Variants in FAN1 observed in about 807,000 individuals in gnomAD.
The protein encoded by FAN1 is fanconi-associated nuclease 1.
In FAN1, 91 loss-of-function variants were observed where a neutral mutation model predicts 104.9. That is an observed-to-expected ratio of 0.87 (90% CI 0.73 to 1.03). The LOEUF (loss-of-function observed/expected upper bound fraction) is 1.03. Among genes scored for constraint, FAN1 ranks in the 50% least tolerant of loss-of-function variants. FAN1 has a pLI of 0.00. For synonymous variants in FAN1, 478 were observed against 457.6 expected (o/e 1.04, Z -0.57); for missense variants, 1,263 against 1,239.9 (o/e 1.02, Z -0.28).
intron 12 of FAN1, 56 bp downstream of exon 12, chr15:30,929,453 C>A: frequency 1.4e-6 from 2 of 1,408,978 alleles, no homozygotes; most frequent in Non-Finnish European, 9.7e-7. Context: ...CGCCCCAGTG[C>A]TGTCTTTTCA....
rs138307818 is a variant in FAN1, at chr15:30,908,154, G to A, written c.1271G>A (p.Arg424His). 8 of 1,609,950 alleles carry A rather than the reference G, an allele frequency of 5.0e-6. No individual in the cohort carries two copies. The highest frequency in any genetic ancestry group is 1.7e-5 in the Admixed American group (1 of 59,362). ...AAGTTATATGTAAGGCTCTTTCAACGTAAATTAAGCTGGATTAAGATGACC... is the reference window on the plus strand; with the variant it reads ...AAGTTATATGTAAGGCTCTTTCAACATAAATTAAGCTGGATTAAGATGACC... The part of the protein sequence containing the change: ...GQKLYVRLFQ[R>H]KLSWIKMTKL... Residue 424 changes from arginine (R) to histidine (H), a missense_variant, in exon 3 of 15, where the codon CGT (arginine) becomes CAT (histidine). Around this residue, in one of 2 missense-constraint regions of FAN1, gnomAD observed 682 missense variants for 571.1 expected, o/e 1.19. Coordinates refer to ENST00000362065, the MANE Select transcript of FAN1 (RefSeq NM_014967.5).
chr15:30,917,020 G>T (rs938854319), intron 5 of FAN1, among the ~76,000 whole-genome samples: 8 of 152,202 alleles, frequency 5.3e-5, no homozygotes, highest in African/African-American at 1.7e-4. Flanking sequence ...TGCTGAGTTG[G>T]AGGAACTCAG....
At chr15:30,918,392 T>TC (rs1338059691) in intron 6 of FAN1, 97 bp downstream of exon 6, 409 of 1,258,254 alleles carry the variant, frequency 3.3e-4, no homozygotes, top group Non-Finnish European at 8.2e-5. Flanking sequence ...TACTCCTTTT[T>TC]CTCTGTGGTT....
Position 30,904,845 on chromosome 15 carries a change from A to G in FAN1, c.182A>G (p.Asp61Gly). 1.2e-6 allele frequency: 2 copies of G among 1,613,212 alleles called. No homozygotes were observed. The highest frequency in any genetic ancestry group is 2.2e-5 in the South Asian group (2 of 91,060). The change falls in exon 2 of 15, where the codon GAT becomes GGT. Residue 61 changes from aspartate (D) to glycine (G), a missense_variant. By Grantham distance (94) the Asp-to-Gly change is moderately conservative (BLOSUM62 -1). This residue lies in a region of FAN1 where 682 missense variants were observed against 571.1 expected (regional missense o/e 1.19). Coordinates refer to ENST00000362065, the MANE Select transcript of FAN1 (RefSeq NM_014967.5). Reference sequence around the variant, plus strand: ...AGATATGACTTAAACCGGCACCTTGATGAAATGTGTGCTAACAATGACTTC... The same window carrying G: ...AGATATGACTTAAACCGGCACCTTGGTGAAATGTGTGCTAACAATGACTTC... ...VPRYDLNRHLDEMCANNDFVQ... is the reference protein window; with the variant it reads ...VPRYDLNRHLGEMCANNDFVQ...
At chr15:30,923,784 C>G (rs1172465317) in intron 8 of FAN1, among the ~76,000 whole-genome samples, 1 of 152,238 alleles carries the variant, frequency 6.6e-6, no homozygotes, top group African/African-American at 2.4e-5. Context: ...TGAGCCTTCA[C>G]TGATTTTCAA....
At chr15:30,941,153 C>CT in intron 14 of FAN1, 1 of 617,346 alleles carries the variant, frequency 1.6e-6, no homozygotes, top group Non-Finnish European at 2.3e-6. Flanking sequence ...GCTAATGTGA[C>CT]TGACTATCAG....
intron 4 of FAN1, 83 bp from the exon 5 acceptor site, chr15:30,913,771 CTTTA>C: frequency 1.1e-6 from 1 of 898,924 alleles, no homozygotes; most frequent in African/African-American, 1.7e-5. Context: ...TGTCATTTCT[CTTTA>C]TTTTAGATGA....
chr15:30,926,479 G>A, intron 10 of FAN1: 1 of 262,400 alleles, frequency 3.8e-6, no homozygotes, highest in Non-Finnish European at 5.9e-6. Context: ...CATGATTTCA[G>A]TATTCCCCGA....
At chr15:30,917,918 A>G (rs1156332137) in intron 5 of FAN1, among the ~76,000 whole-genome samples, 2 of 152,266 alleles carry the variant, frequency 1.3e-5, no homozygotes, top group African/African-American at 4.8e-5. Flanking sequence ...TCACATTTAT[A>G]GAATGGAACA....
intron 14 of FAN1, among the ~76,000 whole-genome samples, chr15:30,937,952 G>A (rs1358875937): frequency 6.6e-6 from 1 of 151,094 alleles, no homozygotes; most frequent in Non-Finnish European, 1.5e-5. Flanking sequence ...GAGGCTGAGC[G>A]AGGCAGGCGC....
Position 30,908,330 on chromosome 15 carries a change from G to A in FAN1, c.1375+72G>A, listed in dbSNP as rs1313635698. ...ACTGAGCTTCTGCAGAATGATGGCA[G>A]TATTATTATGGTGCCCTCCCCGGGG... On this transcript the variant is annotated intron_variant, in intron 3 of 14. Coordinates refer to ENST00000362065, the MANE Select transcript of FAN1 (RefSeq NM_014967.5). 7.6e-6 allele frequency: 10 copies of A among 1,313,176 alleles called. No homozygotes were observed. In the African/African-American group the frequency reaches 1.0e-4, roughly 14 times the overall value. The allele number at this position is 1,313,176 out of a possible 1,614,324, so 81.3% of individuals were successfully genotyped here.
At position 30,941,936 on chromosome 15, in the gene FAN1, T is replaced by C. The variant is rs1566943216; in HGVS notation, c.*374T>C. 6.2e-7 allele frequency: 1 copy of C among 1,614,064 alleles called. No individual in the cohort carries two copies. The highest frequency in any genetic ancestry group is 8.5e-7 in the Non-Finnish European group (1 of 1,179,890). On this transcript the variant is annotated 3_prime_UTR_variant, in exon 15 of 15. Transcript: ENST00000362065. ...AAAATACTGCTCCGTATCACTGTTC[T>C]GGCTGTCGGTTTGCTGAGCTGGATC...
intron 10 of FAN1, chr15:30,926,912 A>G: frequency 1.0e-6 from 1 of 985,456 alleles, no homozygotes; most frequent in Non-Finnish European, 1.2e-6. Context: ...GCCACAGGGA[A>G]TTTTGTGTCA....
chr15:30,911,024 G>A, intron 4 of FAN1: 1 of 1,261,102 alleles, frequency 7.9e-7, no homozygotes, highest in South Asian at 3.4e-5. Context: ...TAATTTCCAG[G>A]ACCAAGAAAA....
At position 30,941,816 on chromosome 15, in the gene FAN1, C is replaced by T. The variant is rs2063065433; in HGVS notation, c.*254C>T. ...GCTGATCTGGGCCTCGGGAACCCAG[C>T]GGAAGTAGCACAGTTTCCACAGTTT... is the stretch of plus-strand genomic sequence containing the variant. On this transcript the variant is annotated 3_prime_UTR_variant, in exon 15 of 15. Transcript: ENST00000362065. 7.4e-6 allele frequency: 12 copies of T among 1,614,002 alleles called. No individual in the cohort carries two copies. The highest frequency in any genetic ancestry group is 1.0e-5 in the Non-Finnish European group (12 of 1,179,900).
chr15:30,938,913 A>G, intron 14 of FAN1: 1 of 985,202 alleles, frequency 1.0e-6, no homozygotes, highest in African/African-American at 1.7e-5. Flanking sequence ...ACTGTGTTCC[A>G]GTAGATGATT....
chr15:30,928,173 G>T, intron 10 of FAN1: 1 of 1,011,396 alleles, frequency 9.9e-7, no homozygotes. Flanking sequence ...GCCTGCATGG[G>T]GATTCTGTGC....
chr15:30,911,688 C>A, intron 4 of FAN1: 1 of 897,282 alleles, frequency 1.1e-6, no homozygotes. Context: ...TCTTCTAAGT[C>A]CTTTCTTTAT....
rs111839000 is a variant in FAN1, at chr15:30,937,112, T to G, written c.2917-7T>G. 7.6e-4 allele frequency: 1,218 copies of G among 1,604,730 alleles called. 10 individuals are homozygous for G. The African/African-American group carries it at 0.015, about 19-fold the overall frequency. On this transcript the variant is annotated splice_region_variant and splice_polypyrimidine_tract_variant and intron_variant, in intron 13 of 14. Transcript: ENST00000362065. ...CTAATAACAACTTTTAAAAATTTCT[T>G]TTCCAGCTGGTGGAAGTTAAAGGCC...
Sources: allele counts gnomAD v4.1 joint callset (sites outside exome capture counted in the v4.1 genomes callset), GRCh38; gene constraint gnomAD v4.1.1; regional missense constraint gnomAD v4.1.1; transcripts MANE v1.5; gene names NCBI Gene and HGNC (gene_info 2026-07-23, HGNC 2026-07-21).